Variants in BOK observed in about 807,000 individuals in gnomAD.
The protein encoded by BOK is bcl-2-related ovarian killer protein.
A neutral mutation model predicts 18.3 loss-of-function variants in BOK; 20 were observed. The observed-to-expected ratio is 1.09, with a 90% confidence interval of 0.77 to 1.59. The LOEUF (loss-of-function observed/expected upper bound fraction) is 1.59, where lower values mean the gene tolerates loss of function less well. Among genes scored for constraint, BOK ranks in the 40% most tolerant of loss-of-function variants. The pLI, the probability that BOK is intolerant of heterozygous loss-of-function variation, is 0.00. For synonymous variants in BOK, 173 were observed against 142.4 expected (o/e 1.21, Z -1.53); for missense variants, 348 against 307.9 (o/e 1.13, Z -0.97).
chr2:241,564,601 G>A (rs2066582194), intron 3 of BOK, among the ~76,000 whole-genome samples: 1 of 152,142 alleles, frequency 6.6e-6, no homozygotes, highest in Non-Finnish European at 1.5e-5. Context: ...TCACGGCACA[G>A]TGGGCAGCGG....
rs1324275236 is a variant in BOK, at chr2:241,570,193, C to T, written c.418C>T (p.Gln140Ter). 23 of 1,607,854 alleles carry T rather than the reference C, an allele frequency of 1.4e-5. No individual in the cohort carries two copies. The highest frequency in any genetic ancestry group is 2.0e-5 in the Non-Finnish European group (23 of 1,178,372). ...GGGGCTGGCCGTGGACTGTGTGAGG[C>T]AGGCCCAGCCTGCCATGGTCCACGC... ...AAGLAVDCVR[Q>*]AQPAMVHALV... The change falls in exon 4 of 5, where the codon CAG becomes TAG. Residue 140 changes from glutamine (Q) to a stop codon, truncating the protein, a stop_gained. Coordinates refer to ENST00000318407, the MANE Select transcript of BOK (RefSeq NM_032515.5). LOFTEE classifies it high-confidence loss of function.
chr2:241,569,540 C>T (rs1167771784), intron 3 of BOK, among the ~76,000 whole-genome samples: 3 of 152,224 alleles, frequency 2.0e-5, no homozygotes, highest in African/African-American at 4.8e-5. Flanking sequence ...TTTTGTGAAT[C>T]AGCTGTTCCA....
intron 1 of BOK, among the ~76,000 whole-genome samples, chr2:241,553,562 G>A (rs1166137161): frequency 1.3e-5 from 2 of 152,222 alleles, no homozygotes; most frequent in Non-Finnish European, 2.9e-5. Flanking sequence ...GGCGGAGGGC[G>A]AAGAGGAAAG....
upstream of BOK, among the ~76,000 whole-genome samples, chr2:241,556,664 A>G (rs2125042256): frequency 6.6e-6 from 1 of 152,050 alleles, no homozygotes; most frequent in Non-Finnish European, 1.5e-5. Context: ...CTTCCCAGAC[A>G]GGAAAGTCAT....
Position 241,572,340 on chromosome 2 carries a change from G to A in BOK, c.557G>A (p.Arg186His), listed in dbSNP as rs1439600086. ...KCVVSTDPGL[R>H]SHWLVAALCS... ...GTGGTCAGCACAGACCCTGGCCTCCGCTCCCACTGGCTGGTGGCTGCACTC... is the reference window on the plus strand; with the variant it reads ...GTGGTCAGCACAGACCCTGGCCTCCACTCCCACTGGCTGGTGGCTGCACTC... The change falls in exon 5 of 5, where the codon CGC becomes CAC. Residue 186 changes from arginine to histidine, a missense_variant. Transcript: ENST00000318407. The A allele has an allele frequency of 5.0e-6, 8 of 1,610,284 alleles. No homozygotes were observed. The Admixed American group carries it at 5.0e-5, about 10-fold the overall frequency.
chr2:241,559,443 T>G lies in BOK; in HGVS notation c.-29-12T>G. 1 of 1,392,178 alleles carries G rather than the reference T, an allele frequency of 7.2e-7. No individual in the cohort carries two copies. The highest frequency in any genetic ancestry group is 9.3e-7 in the Non-Finnish European group (1 of 1,074,822). The allele number at this position is 1,392,178 out of a possible 1,614,324, so 86.2% of individuals were successfully genotyped here. ...CGCCTCCCTCCACCCGGCTGAGCGC[T>G]TGTGCCCGCAGGTGCGGCGCCCCCC... On this transcript the variant is annotated splice_polypyrimidine_tract_variant and intron_variant, in intron 1 of 4. Coordinates refer to ENST00000318407, the MANE Select transcript of BOK (RefSeq NM_032515.5).
chr2:241,561,901 C>G (rs921315949), intron 2 of BOK, among the ~76,000 whole-genome samples: 1 of 152,100 alleles, frequency 6.6e-6, no homozygotes, highest in African/African-American at 2.4e-5. Flanking sequence ...AGCCCCTCCC[C>G]ACGTCGGGCT....
chr2:241,555,453 G>A (rs184853906), upstream of BOK, among the ~76,000 whole-genome samples: 935 of 151,236 alleles, frequency 6.2e-3, 20 homozygotes, highest in African/African-American at 3.4e-3. Context: ...TCGGCTCACC[G>A]CAACCTCCGA....
At chr2:241,560,204 T>C (rs2066506190) in intron 2 of BOK, 1 of 985,256 alleles carries the variant, frequency 1.0e-6, no homozygotes, top group Admixed American at 6.1e-5. Context: ...TGTGAGGACA[T>C]CTGGGGGTGC....
At chr2:241,560,982 T>TC (rs1452728955) in intron 2 of BOK, among the ~76,000 whole-genome samples, 2 of 152,082 alleles carry the variant, frequency 1.3e-5, no homozygotes, top group Middle Eastern at 3.2e-3. Context: ...CCGGGTTGTG[T>TC]CCCCACCTTC....
At chr2:241,558,054 G>GAGACACAC (rs545529201), upstream of BOK, among the ~76,000 whole-genome samples, 1 of 143,244 alleles carries the variant, frequency 7.0e-6, no homozygotes, top group Non-Finnish European at 1.5e-5. Context: ...AGAGTTCCGA[G>GAGACACAC]ACACACACAC....
chr2:241,562,595 G>A lies in BOK; in HGVS notation c.349+119G>A, dbSNP rs2066547015. 1.1e-5 allele frequency: 15 copies of A among 1,315,908 alleles called. No homozygotes were observed. The highest frequency in any genetic ancestry group is 5.2e-5 in the East Asian group (2 of 38,518). The allele number at this position is 1,315,908 out of a possible 1,614,324, so 81.5% of individuals were successfully genotyped here. A position where few individuals can be genotyped will look rare whatever the true frequency, so the allele number is the denominator to read the frequency against. ...ATCCTGGCGCTGCCCAGTGCCCACC[G>A]GTGCCATCTCACTGCTGCAGGTGTC... On this transcript the variant is annotated intron_variant, in intron 3 of 4. Coordinates refer to ENST00000318407, the MANE Select transcript of BOK (RefSeq NM_032515.5). The surrounding 1 kb of genome is among the most constrained non-coding windows in gnomAD (Gnocchi z 4.5).
At chr2:241,572,009 G>T (rs1047323532) in intron 4 of BOK, among the ~76,000 whole-genome samples, 2 of 152,196 alleles carry the variant, frequency 1.3e-5, no homozygotes, top group African/African-American at 4.8e-5. Context: ...GGCCATGAAG[G>T]CCTCTCTCCT....
chr2:241,558,487 C>T (rs2066473061), upstream of BOK, among the ~76,000 whole-genome samples: 1 of 152,248 alleles, frequency 6.6e-6, no homozygotes, highest in Non-Finnish European at 1.5e-5. Flanking sequence ...AACACGTCTC[C>T]AGACTCTGGA....
At chr2:241,571,914 G>A (rs967917895) in intron 4 of BOK, among the ~76,000 whole-genome samples, 7 of 152,196 alleles carry the variant, frequency 4.6e-5, no homozygotes, top group African/African-American at 1.7e-4. Context: ...GGATGACGGC[G>A]GCATACCTGT....
chr2:241,553,327 T>C (rs1302365212), intron 1 of BOK, among the ~76,000 whole-genome samples: 5 of 152,132 alleles, frequency 3.3e-5, no homozygotes, highest in African/African-American at 1.2e-4. Flanking sequence ...ATTTTTTGTA[T>C]TTTTAGTAGA....
chr2:241,565,574 C>CA (rs1553549099), intron 3 of BOK, among the ~76,000 whole-genome samples: 9 of 152,008 alleles, frequency 5.9e-5, no homozygotes, highest in Admixed American at 6.5e-5. Context: ...CTCTGACCCC[C>CA]GGTCTTCCTC....
At chr2:241,556,622 A>G (rs574944120), upstream of BOK, among the ~76,000 whole-genome samples, 1 of 151,896 alleles carries the variant, frequency 6.6e-6, no homozygotes, top group East Asian at 1.9e-4. Context: ...CCTCTCAACA[A>G]TCCTAGGAGG....
At chr2:241,561,936 C>T (rs904979622) in intron 2 of BOK, among the ~76,000 whole-genome samples, 32 of 152,170 alleles carry the variant, frequency 2.1e-4, no homozygotes, top group Non-Finnish European at 4.3e-4. Context: ...CCAGTGCTTT[C>T]TCTGCCCAGC....
Sources: gnomAD v4.1 joint callset for allele counts (sites outside exome capture counted in the v4.1 genomes callset) on GRCh38, gnomAD v4.1.1 for gene constraint, Gnocchi (gnomAD v3.1) non-coding constraint, MANE v1.5 for transcripts, NCBI Gene and HGNC (gene_info 2026-07-23, HGNC 2026-07-21) for gene names.